Variants in PIK3C2G observed in about 807,000 individuals in gnomAD.
PIK3C2G encodes phosphatidylinositol-4-phosphate 3-kinase catalytic subunit type 2 gamma, also known as phosphatidylinositol 3-kinase C2 domain-containing subunit gamma.
A neutral mutation model predicts 181.1 loss-of-function variants in PIK3C2G; 168 were observed. The ratio of observed to expected loss-of-function variants is 0.93; its 90% CI spans 0.82 to 1.05. The LOEUF (loss-of-function observed/expected upper bound fraction) is 1.05, where lower values mean the gene tolerates loss of function less well. Ranked by LOEUF, PIK3C2G falls within the 50% of genes least tolerant of loss-of-function variation. PIK3C2G has a pLI of 0.00. For missense variants in PIK3C2G, 1,869 were observed against 1,732.8 expected (o/e 1.08, Z -1.40); for synonymous variants, 573 against 592.2 (o/e 0.97, Z 0.47).
chr12:18,683,560 C>T, the PIK3C2G span: 188 of 1,483,346 alleles, frequency 1.3e-4, no homozygotes, highest in Non-Finnish European at 1.5e-4. Flanking sequence ...TTCCGCAAAG[C>T]GCTGCATGAT....
chr12:18,441,227 G>A (rs1412373688), intron 18 of PIK3C2G, among the ~76,000 whole-genome samples: 1 of 152,050 alleles, frequency 6.6e-6, no homozygotes, highest in Non-Finnish European at 1.5e-5. Context: ...GTCATTGGAG[G>A]TCATCAAAAA....
chr12:18,266,163 A>G (rs1948491078), intron 1 of PIK3C2G, among the ~76,000 whole-genome samples: 1 of 151,936 alleles, frequency 6.6e-6, no homozygotes, highest in Non-Finnish European at 1.5e-5. Flanking sequence ...CTTAAAACAT[A>G]CTTTTAATTT....
rs57853875 is a variant in PIK3C2G, at chr12:18,475,373, AACACACACAC to A, written c.2505-13049_2505-13040del. ...CTCTCTCAATCTCACCCACCACCCCAACACACACACACACACACACACACACACACACACA... is the reference window on the plus strand; with the variant it reads ...CTCTCTCAATCTCACCCACCACCCCAACACACACACACACACACACACACA... On this transcript the variant is annotated intron_variant, in intron 18 of 32. Coordinates refer to ENST00000538779, the MANE Select transcript of PIK3C2G (RefSeq NM_001288772.2). Among the ~76,000 whole-genome samples, 474 of 139,932 alleles carry A rather than the reference AACACACACAC, an allele frequency of 3.4e-3. 1 individual carries two copies. Among genetic ancestry groups the A allele is most frequent in the African/African-American group, 0.012 (437 of 37,912 alleles). The allele number at this position is 139,932 out of a possible 152,430, so 91.8% of individuals were successfully genotyped here.
chr12:18,511,114 A>AT (rs1192338196), intron 24 of PIK3C2G, among the ~76,000 whole-genome samples: 2 of 152,146 alleles, frequency 1.3e-5, no homozygotes, highest in Non-Finnish European at 2.9e-5. Flanking sequence ...TTCACTTAGC[A>AT]TAATGCTCCC....
At chr12:18,694,096 C>T in the PIK3C2G span, 2 of 1,084,764 alleles carry the variant, frequency 1.8e-6, no homozygotes, top group Non-Finnish European at 2.8e-6. Context: ...GGCTGTATCT[C>T]TAGTGAACTA....
chr12:18,530,982 A>T (rs7306022), intron 24 of PIK3C2G, among the ~76,000 whole-genome samples: 1 of 152,188 alleles, frequency 6.6e-6, no homozygotes, highest in African/African-American at 2.4e-5. Flanking sequence ...TACTAGACCT[A>T]AAAATACTTA....
chr12:18,530,458 A>G (rs1049658360), intron 24 of PIK3C2G, among the ~76,000 whole-genome samples: 7 of 152,236 alleles, frequency 4.6e-5, no homozygotes, highest in African/African-American at 1.7e-4. Context: ...GCTTCATGCC[A>G]TTTTGCTCGC....
intron 3 of PIK3C2G, among the ~76,000 whole-genome samples, chr12:18,289,680 C>T (rs1413210379): frequency 6.6e-6 from 1 of 152,076 alleles, no homozygotes; most frequent in Non-Finnish European, 1.5e-5. Flanking sequence ...GGATGGGATC[C>T]AGAACACGAG....
chr12:18,343,405 TAA>T (rs1040376596), intron 10 of PIK3C2G, 45 bp downstream of exon 10: 1 of 1,033,396 alleles, frequency 9.7e-7, no homozygotes, highest in African/African-American at 1.6e-5. Context: ...AAGAAAAAAA[TAA>T]GTTACAGAAT....
chr12:18,636,033 G>A (rs1949586980), intron 31 of PIK3C2G, among the ~76,000 whole-genome samples: 1 of 152,150 alleles, frequency 6.6e-6, no homozygotes, highest in South Asian at 2.1e-4. Context: ...TCCACCCTCT[G>A]ACATGCAAAA....
chr12:18,686,721 C>T, the PIK3C2G span, among the ~76,000 whole-genome samples: 1 of 152,034 alleles, frequency 6.6e-6, no homozygotes, highest in Non-Finnish European at 1.5e-5. Context: ...TTACTTATAG[C>T]ATCATCTTTC....
intron 30 of PIK3C2G, among the ~76,000 whole-genome samples, chr12:18,598,230 A>G (rs1220977378): frequency 4.0e-5 from 6 of 151,760 alleles, no homozygotes; most frequent in African/African-American, 7.3e-5. Flanking sequence ...GAGGCATCAC[A>G]CTACCTGACT....
chr12:18,631,536 C>T (rs939446489), intron 31 of PIK3C2G, among the ~76,000 whole-genome samples: 13 of 151,900 alleles, frequency 8.6e-5, no homozygotes, highest in Admixed American at 2.6e-4. Context: ...AGGAAAGTGA[C>T]GTAATCAAAG....
chr12:18,510,669 A>T (rs561269384), intron 24 of PIK3C2G, among the ~76,000 whole-genome samples: 1 of 152,330 alleles, frequency 6.6e-6, no homozygotes, highest in East Asian at 1.9e-4. Context: ...AAGGTCAGGT[A>T]CACTGGAGAC....
At chr12:18,687,526 GAT>G in the PIK3C2G span, among the ~76,000 whole-genome samples, 1 of 152,082 alleles carries the variant, frequency 6.6e-6, no homozygotes, top group Non-Finnish European at 1.5e-5. Context: ...TACTGTGTAA[GAT>G]GTCATAGCAT....
intron 14 of PIK3C2G, among the ~76,000 whole-genome samples, chr12:18,388,136 A>G (rs563563903): frequency 2.6e-5 from 4 of 152,252 alleles, no homozygotes; most frequent in Admixed American, 1.3e-4. Context: ...TTCTCACTCC[A>G]AAACCACCAT....
chr12:18,391,153 T>A lies in PIK3C2G; in HGVS notation c.2027T>A (p.Met676Lys), dbSNP rs757230788. ...TTTCCAGCTACTGGGTGGGAGTATA[T>A]GAAACCTGATTCTGAAGAGAATAGA... The part of the protein sequence containing the change: ...IDFPATGWEY[M>K]KPDSEENRSN... The change falls in exon 15 of 33, where the codon ATG becomes AAG. Residue 676 changes from methionine (M) to lysine (K), a missense_variant. Coordinates refer to ENST00000538779, the MANE Select transcript of PIK3C2G (RefSeq NM_001288772.2). 2.5e-6 allele frequency: 4 copies of A among 1,608,936 alleles called. No individual in the cohort carries two copies. The highest frequency in any genetic ancestry group is 2.7e-5 in the African/African-American group (2 of 74,768).
the PIK3C2G span, among the ~76,000 whole-genome samples, chr12:18,708,857 G>GT: frequency 2.6e-4 from 39 of 151,840 alleles, no homozygotes; most frequent in Non-Finnish European, 4.3e-4. Flanking sequence ...TTTTAATCAA[G>GT]TTTTTTTTCC....
At chr12:18,527,102 C>T (rs1943276811) in intron 24 of PIK3C2G, among the ~76,000 whole-genome samples, 1 of 152,018 alleles carries the variant, frequency 6.6e-6, no homozygotes, top group East Asian at 1.9e-4. Flanking sequence ...GGATTCTGCC[C>T]TCTCACACTC....
Sources: allele counts gnomAD v4.1 joint callset (sites outside exome capture counted in the v4.1 genomes callset), GRCh38; gene constraint gnomAD v4.1.1; transcripts MANE v1.5; gene names NCBI Gene and HGNC (gene_info 2026-07-23, HGNC 2026-07-21).